GRM7: variants seen among roughly 807,000 people sequenced by gnomAD.
GRM7 encodes the protein metabotropic glutamate receptor 7.
Under a neutral mutation model 84.5 loss-of-function variants are expected in GRM7, and 35 were observed. The observed-to-expected ratio is 0.41, with a 90% confidence interval of 0.32 to 0.55. GRM7 has a LOEUF of 0.55. Ranked by LOEUF, GRM7 falls within the 20% of genes least tolerant of loss-of-function variation. The pLI is 0.19. For missense variants in GRM7, 1,003 were observed against 1,194.6 expected (o/e 0.84, Z 2.36); for synonymous variants, 487 against 455.1 (o/e 1.07, Z -0.89).
chr3:6,991,229 T>A (rs1412227461), intron 1 of GRM7, among the ~76,000 whole-genome samples: 1 of 152,146 alleles, frequency 6.6e-6, no homozygotes, highest in African/African-American at 2.4e-5. Flanking sequence ...TGAGTGCTGA[T>A]AAAGAATGAA....
At chr3:6,917,494 CT>C (rs35883512) in intron 1 of GRM7, among the ~76,000 whole-genome samples, 39,602 of 125,938 alleles carry the variant, frequency 0.31, 5,553 homozygotes, top group African/African-American at 0.47. Context: ...TTGTTAATTG[CT>C]TTTTTTTTTT....
intron 2 of GRM7, among the ~76,000 whole-genome samples, chr3:7,165,356 G>GA (rs1048786725): frequency 2.0e-5 from 3 of 152,136 alleles, no homozygotes; most frequent in Admixed American, 1.3e-4. Context: ...GATACAGGGA[G>GA]AAAAAAATTG....
chr3:7,623,508 T>C (rs751989206), intron 8 of GRM7, among the ~76,000 whole-genome samples: 3 of 152,140 alleles, frequency 2.0e-5, no homozygotes, highest in Non-Finnish European at 4.4e-5. Context: ...TCATGTAAGC[T>C]GAATGGCACC....
At chr3:6,936,713 C>G (rs1288476930) in intron 1 of GRM7, among the ~76,000 whole-genome samples, 3 of 152,216 alleles carry the variant, frequency 2.0e-5, no homozygotes, top group African/African-American at 7.2e-5. Flanking sequence ...CACAAGTCCC[C>G]TTTCCACGAC....
At chr3:7,343,370 A>G (rs1692734656) in intron 4 of GRM7, among the ~76,000 whole-genome samples, 1 of 152,018 alleles carries the variant, frequency 6.6e-6, no homozygotes, top group African/African-American at 2.4e-5. Context: ...AGTAGCTGGG[A>G]CTACAGGGAT....
intron 2 of GRM7, among the ~76,000 whole-genome samples, chr3:7,178,847 G>A (rs535343117): frequency 2.6e-5 from 4 of 152,166 alleles, no homozygotes; most frequent in South Asian, 2.1e-4. Flanking sequence ...TTGGGAGGCC[G>A]AGGTGGGTGG....
intron 1 of GRM7, among the ~76,000 whole-genome samples, chr3:6,909,435 C>G (rs1344739477): frequency 6.6e-6 from 1 of 152,084 alleles, no homozygotes; most frequent in Admixed American, 6.6e-5. Context: ...GTTAAATCTT[C>G]CCCTATAAAC....
chr3:7,303,784 A>G (rs1391255929), intron 3 of GRM7, among the ~76,000 whole-genome samples: 5 of 151,804 alleles, frequency 3.3e-5, no homozygotes, highest in African/African-American at 9.7e-5. Flanking sequence ...AATTTCCATT[A>G]TTCTGTTTTA....
chr3:7,658,176 G>T (rs1037123090), intron 8 of GRM7, among the ~76,000 whole-genome samples: 3 of 152,188 alleles, frequency 2.0e-5, no homozygotes, highest in African/African-American at 7.2e-5. Flanking sequence ...AAGTCTAAAT[G>T]AATCTTTGAA....
chr3:7,510,917 A>T (rs1319624478), intron 7 of GRM7, among the ~76,000 whole-genome samples: 1 of 152,166 alleles, frequency 6.6e-6, no homozygotes, highest in East Asian at 1.9e-4. Flanking sequence ...AACGCACATC[A>T]GAAAAGTCTA....
intron 1 of GRM7, among the ~76,000 whole-genome samples, chr3:6,898,826 A>C (rs959261380): frequency 2.2e-5 from 1 of 46,274 alleles, no homozygotes; most frequent in Admixed American, 2.0e-4. Flanking sequence ...TCAAAAAAAC[A>C]AAAAAAAAAA....
chr3:7,048,661 C>A (rs1459900150), intron 1 of GRM7, among the ~76,000 whole-genome samples: 1 of 151,874 alleles, frequency 6.6e-6, no homozygotes, highest in East Asian at 1.9e-4. Flanking sequence ...TATATGGACA[C>A]ATATATGCAT....
chr3:6,874,611 G>T (rs977725106), intron 1 of GRM7, among the ~76,000 whole-genome samples: 14 of 152,194 alleles, frequency 9.2e-5, no homozygotes, highest in African/African-American at 3.1e-4. Flanking sequence ...TAAGCAACTT[G>T]ACCATTAGTG....
At chr3:7,098,798 A>G (rs1698944791) in intron 1 of GRM7, among the ~76,000 whole-genome samples, 1 of 151,972 alleles carries the variant, frequency 6.6e-6, no homozygotes, top group Non-Finnish European at 1.5e-5. Context: ...CTGGTTCATT[A>G]GAATGTCAGG....
intron 1 of GRM7, among the ~76,000 whole-genome samples, chr3:7,067,141 C>T (rs1559417363): frequency 1.3e-5 from 2 of 151,856 alleles, no homozygotes; most frequent in Non-Finnish European, 2.9e-5. Context: ...CACCGCTCCT[C>T]TTCAACATAG....
intron 4 of GRM7, among the ~76,000 whole-genome samples, chr3:7,336,527 T>C (rs977641387): frequency 6.6e-6 from 1 of 151,994 alleles, no homozygotes; most frequent in Non-Finnish European, 1.5e-5. Context: ...AACATAATAC[T>C]GGAAGTCCTC....
At chr3:6,961,929 T>C (rs1408375027) in intron 1 of GRM7, among the ~76,000 whole-genome samples, 3 of 152,110 alleles carry the variant, frequency 2.0e-5, no homozygotes, top group African/African-American at 7.2e-5. Flanking sequence ...TAAAATAAAC[T>C]AACTACAAAC....
chr3:7,013,169 AACTT>A (rs1695442065), intron 1 of GRM7, among the ~76,000 whole-genome samples: 2 of 152,140 alleles, frequency 1.3e-5, no homozygotes, highest in African/African-American at 4.8e-5. Flanking sequence ...AAGAAAAAGA[AACTT>A]AAATAAATGT....
chr3:7,619,298 A>G (rs1697252900), intron 8 of GRM7, among the ~76,000 whole-genome samples: 1 of 152,156 alleles, frequency 6.6e-6, no homozygotes, highest in Non-Finnish European at 1.5e-5. Context: ...ATGAAATGGA[A>G]GAATTGGGAT....
Sources: allele counts gnomAD v4.1 joint callset (sites outside exome capture counted in the v4.1 genomes callset), GRCh38; gene constraint gnomAD v4.1.1; transcripts MANE v1.5; gene names NCBI Gene and HGNC (gene_info 2026-07-23, HGNC 2026-07-21).